The following TESK1 variants were observed in gnomAD, a reference collection of about 807,000 sequenced individuals.
TESK1 encodes testis associated actin remodelling kinase 1, also known as dual specificity testis-specific protein kinase 1.
A neutral mutation model predicts 59.9 loss-of-function variants in TESK1; 18 were observed. That is an observed-to-expected ratio of 0.30 (90% confidence interval 0.21 to 0.45). TESK1 has a LOEUF of 0.45. Ranked by LOEUF, TESK1 falls within the 20% of genes least tolerant of loss-of-function variation. The pLI is 1.00. For missense variants in TESK1, 748 were observed against 840.9 expected, an observed-to-expected ratio of 0.89 and a Z score of 1.37; for synonymous variants, 341 against 357.4, an observed-to-expected ratio of 0.95 and a Z score of 0.52.
chr9:35,606,314 C>T (rs1211459695), intron 3 of TESK1, 29 bp downstream of exon 3: 2 of 1,612,616 alleles, frequency 1.2e-6, no homozygotes, highest in Admixed American at 1.7e-5. Flanking sequence ...GGAGGGATCC[C>T]CACCCCCCTT....
At position 35,607,499 on chromosome 9, in the gene TESK1, G is replaced by C; in HGVS notation, c.621-83G>C. ...CCCAGGGATGTTTCCCTTGGGGAAC[G>C]GAGGGAGTTCACCTCATCCCCTTTT... is the stretch of plus-strand genomic sequence containing the variant. On this transcript the variant is annotated intron_variant, in intron 5 of 9. Transcript: ENST00000336395. The surrounding 1 kb of genome is among the most constrained non-coding windows in gnomAD (Gnocchi z 4.5). 6.3e-7 allele frequency: 1 copy of C among 1,575,184 alleles called. No individual in the cohort carries two copies. The highest frequency in any genetic ancestry group is 8.7e-7 in the Non-Finnish European group (1 of 1,145,024).
chr9:35,606,323 T>C, intron 3 of TESK1, 38 bp downstream of exon 3: 1 of 1,612,128 alleles, frequency 6.2e-7, no homozygotes, highest in Non-Finnish European at 8.5e-7. Flanking sequence ...CCCACCCCCC[T>C]TCACCCCCAA....
intron 8 of TESK1, 22 bp downstream of exon 8, chr9:35,608,271 C>T: frequency 6.2e-7 from 1 of 1,612,410 alleles, no homozygotes; most frequent in Non-Finnish European, 8.5e-7. Context: ...ACACTCCTTC[C>T]TGCCCCACCC....
In TESK1 at chr9:35,608,963, C is replaced by A. The variant is rs1454777625; in HGVS notation, c.1102C>A (p.Pro368Thr). The stretch of plus-strand genomic sequence containing the variant: ...CTTCCTGCCCCCATCACCAGAATCA[C>A]CCCCCAACTGGGGGGACAATCTGAC... ...DLFLPPSPES[P>T]PNWGDNLTRV... Residue 368 changes from proline to threonine, a missense_variant, in exon 10 of 10, where the codon CCC (proline) becomes ACC (threonine). By Grantham distance (38) the Pro-to-Thr change is conservative (BLOSUM62 -1). Coordinates refer to ENST00000336395, the MANE Select transcript of TESK1 (RefSeq NM_006285.3). The A allele has an allele frequency of 1.2e-6, 2 of 1,613,962 alleles. No individual in the cohort carries two copies. Among genetic ancestry groups the A allele is most frequent in the Admixed American group, 3.3e-5 (2 of 60,012 alleles).
At position 35,609,236 on chromosome 9, in the gene TESK1, G is replaced by T. The variant is rs370630299; in HGVS notation, c.1375G>T (p.Ala459Ser). 1.9e-6 allele frequency: 3 copies of T among 1,613,928 alleles called. No homozygotes were observed. Among genetic ancestry groups the T allele is most frequent in the Non-Finnish European group, 2.5e-6 (3 of 1,180,018 alleles). Residue 459 changes from alanine to serine, a missense_variant, in exon 10 of 10, where the codon GCT becomes TCT. By Grantham distance (99) the Ala-to-Ser change is moderately conservative. Transcript: ENST00000336395. This position sits in a 1 kb window ranked among gnomAD's most constrained non-coding sequence, Gnocchi z 6.7. ...AGCACTGCCAGGTCCTGGCCCTCCC[G>T]CTGTGGGCCCCTCGGCTGAAGAGAA... The part of the protein sequence containing the change: ...ETALPGPGPP[A>S]VGPSAEEKME...
rs76236841 is a variant in TESK1, at chr9:35,608,504, A to G, written c.995A>G (p.Asn332Ser). 4.0e-5 allele frequency: 65 copies of G among 1,613,304 alleles called. No homozygotes were observed. In the African/African-American group the frequency reaches 7.2e-4, roughly 18 times the overall value. ...CTCACCAGGACCGCCCTGACACACA[A>G]TCAGGGTAAGGGAGCCTGACCTTGA... ...APLTRTALTH[N>S]QGSVARGGPS... is the part of the protein sequence containing the mutation. Residue 332 changes from asparagine (N) to serine (S), a missense_variant, in exon 9 of 10, where the codon AAT (asparagine) becomes AGT (serine). Physicochemically the swap from Asn to Ser is conservative, Grantham distance 46 (BLOSUM62 1). Transcript: ENST00000336395.
intron 7 of TESK1, 67 bp downstream of exon 7, chr9:35,608,078 C>T: frequency 6.2e-7 from 1 of 1,609,706 alleles, no homozygotes; most frequent in East Asian, 2.2e-5. Flanking sequence ...GGAGGATTCC[C>T]TAGAGGTTGA....
At position 35,605,569 on chromosome 9, in the gene TESK1, G is replaced by A; in HGVS notation, c.-51G>A. 3 of 577,688 alleles carry A rather than the reference G, an allele frequency of 5.2e-6. No homozygotes were observed. Among genetic ancestry groups the A allele is most frequent in the Non-Finnish European group, 7.3e-6 (3 of 411,424 alleles). The allele number at this position is 577,688 out of a possible 1,614,324, so 35.8% of individuals were successfully genotyped here. A position where few individuals can be genotyped will look rare whatever the true frequency, so the allele number is the denominator to read the frequency against. On this transcript the variant is annotated 5_prime_UTR_variant, in exon 1 of 10. Coordinates refer to ENST00000336395, the MANE Select transcript of TESK1 (RefSeq NM_006285.3). ...CGCCCATGGCAAGCGCGGCCTGCCC[G>A]GGCCCTGGGGACCCTGCCATGTGAG...
At chr9:35,606,391 G>A (rs774500641) in intron 3 of TESK1, 106 bp downstream of exon 3, 36 of 1,379,672 alleles carry the variant, frequency 2.6e-5, no homozygotes, top group Non-Finnish European at 3.7e-5. Flanking sequence ...GAGGCAACAG[G>A]ATCTCCTCTC....
chr9:35,605,715 C>T lies in TESK1; in HGVS notation c.96C>T (p.Gly32=), dbSNP rs1285420015. 2 of 1,549,014 alleles carry T rather than the reference C, an allele frequency of 1.3e-6. No homozygotes were observed. Among genetic ancestry groups the T allele is most frequent in the Admixed American group, 1.9e-5 (1 of 51,394 alleles). ...GPPGPGGTGG[G]PGRGRPSSYR... ...CGGGGCCGGGGGGCACGGGCGGAGG[C>T]CCGGGCCGGGGCCGCCCCTCCTCCT... Residue 32 remains glycine (G), a synonymous_variant, in exon 1 of 10, where the codon GGC becomes GGT. Coordinates refer to ENST00000336395, the MANE Select transcript of TESK1 (RefSeq NM_006285.3).
At chr9:35,606,392 A>G (rs1822849766) in intron 3 of TESK1, 107 bp downstream of exon 3, 2 of 1,367,166 alleles carry the variant, frequency 1.5e-6, no homozygotes, top group Non-Finnish European at 2.1e-6. Context: ...AGGCAACAGG[A>G]TCTCCTCTCA....
Position 35,605,516 on chromosome 9 carries a change from C to T in TESK1, c.-104C>T, listed in dbSNP as rs949659572. ...CCATTCTCAGGGCGGGAGCCGGAGT[C>T]CGGGCGCCCGGGATCGGGCTGGGCC... is the stretch of plus-strand genomic sequence containing the variant. On this transcript the variant is annotated 5_prime_UTR_variant, in exon 1 of 10. Coordinates refer to ENST00000336395, the MANE Select transcript of TESK1 (RefSeq NM_006285.3). The T allele has an allele frequency of 7.0e-5, 20 of 287,064 alleles. No homozygotes were observed. Among genetic ancestry groups the T allele is most frequent in the Middle Eastern group, 1.0e-3 (1 of 974 alleles). The allele number at this position is 287,064 out of a possible 1,614,324, so 17.8% of individuals were successfully genotyped here.
chr9:35,606,948 T>G lies in TESK1; in HGVS notation c.502T>G (p.Ser168Ala). ...TGCCCGAGGCCTGCGGTACCTGCAC[T>G]CCAAAGGTGTATTTCACCGCGACCT... ...DIARGLRYLH[S>A]KGVFHRDLTS... The change falls in exon 4 of 10, where the codon TCC (serine) becomes GCC (alanine). Residue 168 changes from serine to alanine, a missense_variant. Around this residue, in one of 3 missense-constraint regions of TESK1, gnomAD observed 168 missense variants for 257.4 expected, o/e 0.65. Coordinates refer to ENST00000336395, the MANE Select transcript of TESK1 (RefSeq NM_006285.3). The G allele has an allele frequency of 6.2e-7, 1 of 1,609,894 alleles. No homozygotes were observed. Among genetic ancestry groups the G allele is most frequent in the South Asian group, 1.1e-5 (1 of 90,832 alleles).
intron 7 of TESK1, 42 bp from the exon 8 acceptor site, chr9:35,608,118 C>T (rs1478126641): frequency 6.2e-7 from 1 of 1,611,466 alleles, no homozygotes. Flanking sequence ...AAGGAGAACC[C>T]AAGAAAAGCT....
chr9:35,608,774 T>C, intron 9 of TESK1, 88 bp from the exon 10 acceptor site: 1 of 1,464,862 alleles, frequency 6.8e-7, no homozygotes, highest in Non-Finnish European at 9.2e-7. Flanking sequence ...CAAGCTCTAG[T>C]CCCACCAGCC....
At position 35,605,313 on chromosome 9, in the gene TESK1, C is replaced by T. The variant is rs1160012641; in HGVS notation, c.-307C>T. On this transcript the variant is annotated 5_prime_UTR_variant, in exon 1 of 10. Transcript: ENST00000336395. The stretch of plus-strand genomic sequence containing the variant: ...GAGCAGCCGCCGCCCGCCCGCCCGC[C>T]CGCCTCCGCCCGCGGCAAGCCAGCC... 3.4e-5 allele frequency: 5 copies of T among 148,274 alleles called. No homozygotes were observed. The South Asian group carries it at 8.9e-4, about 26-fold the overall frequency. 9.2% of individuals were successfully genotyped at this position (148,274 alleles called of 1,614,324 possible).
chr9:35,607,755 A>G lies in TESK1; in HGVS notation c.711+83A>G. On this transcript the variant is annotated intron_variant, in intron 6 of 9. Transcript: ENST00000336395. The surrounding 1 kb of genome is among the most constrained non-coding windows in gnomAD (Gnocchi z 4.5). ...TAAAGCCCCATCCATCCCCAAAACA[A>G]CCCTACCAGATCTTCAGGAGTCCCC... 1 of 1,363,532 alleles carries G rather than the reference A, an allele frequency of 7.3e-7. No individual in the cohort carries two copies. Among genetic ancestry groups the G allele is most frequent in the Non-Finnish European group, 1.0e-6 (1 of 971,110 alleles). 84.5% of individuals were successfully genotyped at this position (1,363,532 alleles called of 1,614,324 possible).
rs535762988 is a variant in TESK1 at position 35,606,022 on chromosome 9, G to A, written c.258G>A (p.Lys86=). Residue 86 remains lysine (K), a synonymous_variant, in exon 2 of 10, where the codon AAG becomes AAA. Coordinates refer to ENST00000336395, the MANE Select transcript of TESK1 (RefSeq NM_006285.3). ...HRQSGQVMVL[K]MNKLPSNRGN... ...AGTCAGGGCAAGTCATGGTGCTGAA[G>A]ATGAACAAGCTCCCCAGTAACCGGG... The A allele has an allele frequency of 1.1e-5, 17 of 1,614,150 alleles. No individual in the cohort carries two copies. The highest frequency in any genetic ancestry group is 9.3e-5 in the African/African-American group (7 of 75,058).
Position 35,607,531 on chromosome 9 carries a change from G to A in TESK1, c.621-51G>A. ...GTTCACCTCATCCCCTTTTGCCTGGGGGGGATGCCTGAATAGGATGCTTCT... is the reference window on the plus strand; with the variant it reads ...GTTCACCTCATCCCCTTTTGCCTGGAGGGGATGCCTGAATAGGATGCTTCT... On this transcript the variant is annotated intron_variant, in intron 5 of 9. Coordinates refer to ENST00000336395, the MANE Select transcript of TESK1 (RefSeq NM_006285.3). The surrounding 1 kb of genome is among the most constrained non-coding windows in gnomAD (Gnocchi z 4.5). The A allele has an allele frequency of 6.3e-7, 1 of 1,579,956 alleles. No individual in the cohort carries two copies.
Sources: gnomAD v4.1 joint callset for allele counts on GRCh38, gnomAD v4.1.1 for gene constraint, gnomAD v4.1.1 regional missense constraint, Gnocchi (gnomAD v3.1) non-coding constraint, MANE v1.5 for transcripts, NCBI Gene and HGNC (gene_info 2026-07-23, HGNC 2026-07-21) for gene names.